Variants in FBXL17 observed in about 807,000 individuals in gnomAD.
FBXL17 encodes F-box and leucine rich repeat protein 17.
In FBXL17, 22 loss-of-function variants were observed where a neutral mutation model predicts 66.2. That is an observed-to-expected ratio of 0.33 (90% CI 0.24 to 0.47). The LOEUF is 0.47. Ranked by LOEUF, FBXL17 falls within the 20% of genes least tolerant of loss-of-function variation. The pLI is 1.00. For missense variants in FBXL17, 878 were observed against 948.2 expected (o/e 0.93, Z 0.97); for synonymous variants, 474 against 400.5 (o/e 1.18, Z -2.19).
chr5:108,238,643 T>A (rs1036569399), intron 4 of FBXL17, among the ~76,000 whole-genome samples: 1 of 152,160 alleles, frequency 6.6e-6, no homozygotes, highest in Non-Finnish European at 1.5e-5. Flanking sequence ...TTCCGGTAGC[T>A]TGGACCACAG....
chr5:107,870,591 C>CTT (rs1312573602), intron 8 of FBXL17, among the ~76,000 whole-genome samples: 3 of 143,654 alleles, frequency 2.1e-5, no homozygotes, highest in Admixed American at 1.4e-4. Context: ...TATTTAATAC[C>CTT]TTTTTTTTTT....
At chr5:107,962,076 G>A (rs1751934351) in intron 7 of FBXL17, among the ~76,000 whole-genome samples, 1 of 152,008 alleles carries the variant, frequency 6.6e-6, no homozygotes, top group Non-Finnish European at 1.5e-5. Flanking sequence ...TCTTTGAAAG[G>A]AAGAACCATT....
intron 4 of FBXL17, among the ~76,000 whole-genome samples, chr5:108,306,864 G>A (rs1030045150): frequency 2.0e-5 from 3 of 151,436 alleles, no homozygotes; most frequent in Non-Finnish European, 2.9e-5. Context: ...AAAAGTCCAG[G>A]GTTATCTCTA....
intron 6 of FBXL17, among the ~76,000 whole-genome samples, chr5:108,102,730 C>T (rs1422646255): frequency 6.6e-6 from 1 of 152,060 alleles, no homozygotes; most frequent in African/African-American, 2.4e-5. Context: ...AAGACAAAAA[C>T]CTTTATGAAA....
intron 1 of FBXL17, among the ~76,000 whole-genome samples, chr5:108,378,799 C>A (rs1310802595): frequency 6.6e-6 from 1 of 152,210 alleles, no homozygotes; most frequent in Non-Finnish European, 1.5e-5. Context: ...AAGGAGGAGA[C>A]AGAGCAATGA....
chr5:107,899,809 T>A (rs1258223941), intron 7 of FBXL17, among the ~76,000 whole-genome samples: 1 of 152,164 alleles, frequency 6.6e-6, no homozygotes. Flanking sequence ...AATTAAATCC[T>A]GAGGAGGGGG....
At chr5:108,182,849 T>A (rs1329188665) in intron 6 of FBXL17, among the ~76,000 whole-genome samples, 1 of 152,034 alleles carries the variant, frequency 6.6e-6, no homozygotes, top group Non-Finnish European at 1.5e-5. Flanking sequence ...AAATCCACTC[T>A]CCCATCTGTA....
Position 108,381,247 on chromosome 5 carries a change from C to A in FBXL17, c.445G>T (p.Ala149Ser), listed in dbSNP as rs1307770624. The A allele has an allele frequency of 1.4e-6, 2 of 1,442,884 alleles. No individual in the cohort carries two copies. The highest frequency in any genetic ancestry group is 1.8e-6 in the Non-Finnish European group (2 of 1,100,248). The allele number at this position is 1,442,884 out of a possible 1,614,324, so 89.4% of individuals were successfully genotyped here. The change falls in exon 1 of 9, where the codon GCC becomes TCC. Residue 149 changes from alanine to serine, a missense_variant. This residue lies in a region of FBXL17 where 605 missense variants were observed against 509.5 expected (regional missense o/e 1.19). Transcript: ENST00000542267. Reference sequence around the variant, plus strand: ...CGGCCCTGCTGCTCCCAGGCGGCGGCCGCAGCCAGCCCCAACTCTTTGCAG... The same window carrying A: ...CGGCCCTGCTGCTCCCAGGCGGCGGACGCAGCCAGCCCCAACTCTTTGCAG... The part of the protein sequence containing the change: ...SCCKELGLAA[A>S]AAWEQQGRSL...
At chr5:108,115,362 T>C (rs1223882515) in intron 6 of FBXL17, among the ~76,000 whole-genome samples, 13 of 152,034 alleles carry the variant, frequency 8.6e-5, no homozygotes, top group Non-Finnish European at 2.9e-5. Context: ...AAAAAAATTA[T>C]AGTATTTAAA....
chr5:108,332,232 A>G (rs1760156333), intron 4 of FBXL17, among the ~76,000 whole-genome samples: 1 of 152,184 alleles, frequency 6.6e-6, no homozygotes, highest in Non-Finnish European at 1.5e-5. Context: ...TTCCTGAGTA[A>G]ATGTTCAAAA....
At chr5:108,144,485 T>G (rs910061217) in intron 6 of FBXL17, among the ~76,000 whole-genome samples, 1 of 152,204 alleles carries the variant, frequency 6.6e-6, no homozygotes, top group East Asian at 1.9e-4. Context: ...CAAAATTATA[T>G]TAAAATGCCA....
chr5:108,054,936 T>TG (rs1747628261), intron 6 of FBXL17, among the ~76,000 whole-genome samples: 1 of 152,148 alleles, frequency 6.6e-6, no homozygotes, highest in Non-Finnish European at 1.5e-5. Flanking sequence ...ATGTCTGGGA[T>TG]TTTAGCAGTA....
chr5:107,887,914 A>T (rs957585265), intron 7 of FBXL17, among the ~76,000 whole-genome samples: 1 of 152,232 alleles, frequency 6.6e-6, no homozygotes, highest in Non-Finnish European at 1.5e-5. Flanking sequence ...AAGTGAAAAC[A>T]AAAGAGCTCC....
intron 7 of FBXL17, among the ~76,000 whole-genome samples, chr5:107,908,709 C>T (rs1749845700): frequency 6.6e-6 from 1 of 152,048 alleles, no homozygotes; most frequent in South Asian, 2.1e-4. Context: ...GGGCAAAGGC[C>T]CTTGGGTGGG....
At chr5:108,077,836 G>C (rs535327419) in intron 6 of FBXL17, among the ~76,000 whole-genome samples, 6 of 152,068 alleles carry the variant, frequency 3.9e-5, no homozygotes, top group Non-Finnish European at 8.8e-5. Flanking sequence ...TTCTAACTTA[G>C]AATCACTAAG....
chr5:107,984,065 T>C (rs780467624), intron 7 of FBXL17, among the ~76,000 whole-genome samples: 10 of 152,198 alleles, frequency 6.6e-5, no homozygotes, highest in Non-Finnish European at 1.5e-4. Flanking sequence ...TTATATTCTA[T>C]TAATTTCTAT....
At chr5:107,911,159 T>C (rs1342007343) in intron 7 of FBXL17, among the ~76,000 whole-genome samples, 6 of 152,132 alleles carry the variant, frequency 3.9e-5, no homozygotes, top group Admixed American at 2.6e-4. Flanking sequence ...TTATGTAAGT[T>C]GCAGTAGTAA....
chr5:108,032,103 C>T (rs979669878), intron 6 of FBXL17, among the ~76,000 whole-genome samples: 1 of 152,120 alleles, frequency 6.6e-6, no homozygotes, highest in East Asian at 1.9e-4. Flanking sequence ...CTTTAAATAT[C>T]CTCCACATAA....
chr5:108,063,434 C>A (rs564335468), intron 6 of FBXL17, among the ~76,000 whole-genome samples: 1 of 152,292 alleles, frequency 6.6e-6, no homozygotes, highest in East Asian at 1.9e-4. Context: ...AGTATAAGAT[C>A]ATAACGATCC....
Sources: gnomAD v4.1 joint callset for allele counts (sites outside exome capture counted in the v4.1 genomes callset) on GRCh38, gnomAD v4.1.1 for gene constraint, gnomAD v4.1.1 regional missense constraint, MANE v1.5 for transcripts, NCBI Gene and HGNC (gene_info 2026-07-23, HGNC 2026-07-21) for gene names.